Variants in SH3RF3 observed in about 807,000 individuals in gnomAD.
The protein encoded by SH3RF3 is E3 ubiquitin-protein ligase SH3RF3.
A neutral mutation model predicts 66.3 loss-of-function variants in SH3RF3; 29 were observed. That is an observed-to-expected ratio of 0.44 (90% confidence interval 0.33 to 0.60). The LOEUF (loss-of-function observed/expected upper bound fraction) is 0.60, where lower values mean the gene tolerates loss of function less well. Ranked by LOEUF, SH3RF3 falls within the 20% of genes least tolerant of loss-of-function variation. The probability of loss-of-function intolerance (pLI) is 0.04; values close to 1 mark genes in which losing one functional copy is unlikely to be tolerated. For missense variants in SH3RF3, 1,194 were observed against 1,190.9 expected (o/e 1.00, Z -0.04); for synonymous variants, 583 against 532.0 (o/e 1.10, Z -1.32).
At chr2:109,291,660 A>T (rs1294592922) in intron 1 of SH3RF3, among the ~76,000 whole-genome samples, 3 of 152,160 alleles carry the variant, frequency 2.0e-5, no homozygotes, top group Non-Finnish European at 4.4e-5. Flanking sequence ...ATATTGTTCC[A>T]GTGGGGTGTG....
intron 1 of SH3RF3, among the ~76,000 whole-genome samples, chr2:109,246,530 G>C (rs1374417795): frequency 6.6e-6 from 1 of 152,212 alleles, no homozygotes; most frequent in African/African-American, 2.4e-5. Context: ...TCAGTCCATT[G>C]CATACTCCAA....
intron 1 of SH3RF3, among the ~76,000 whole-genome samples, chr2:109,313,931 C>T (rs1288446926): frequency 2.0e-5 from 3 of 151,966 alleles, no homozygotes; most frequent in Admixed American, 1.3e-4. Context: ...ATGCAGGGTG[C>T]CGTGTTTGGA....
intron 8 of SH3RF3, among the ~76,000 whole-genome samples, chr2:109,449,860 T>A (rs549723547): frequency 6.6e-6 from 1 of 152,368 alleles, no homozygotes; most frequent in African/African-American, 2.4e-5. Flanking sequence ...ATAATAAATA[T>A]ACAAATCTAC....
intron 4 of SH3RF3, among the ~76,000 whole-genome samples, chr2:109,416,416 G>A (rs1196342090): frequency 1.3e-5 from 2 of 152,140 alleles, no homozygotes; most frequent in African/African-American, 4.8e-5. Flanking sequence ...CCAACATGGC[G>A]AAACCCCCCC....
At chr2:109,376,856 A>G (rs1239640737) in intron 3 of SH3RF3, among the ~76,000 whole-genome samples, 3 of 152,236 alleles carry the variant, frequency 2.0e-5, no homozygotes, top group South Asian at 2.1e-4. Flanking sequence ...GCGGGGAGGA[A>G]GAACCCCTTC....
intron 1 of SH3RF3, among the ~76,000 whole-genome samples, chr2:109,197,781 C>T (rs1279167877): frequency 6.6e-6 from 1 of 152,214 alleles, no homozygotes; most frequent in Admixed American, 6.5e-5. Context: ...CCTGAGGAAG[C>T]CTGGCATGAA....
chr2:109,499,469 T>G (rs1679335055), intron 9 of SH3RF3, among the ~76,000 whole-genome samples: 1 of 152,198 alleles, frequency 6.6e-6, no homozygotes, highest in Non-Finnish European at 1.5e-5. Context: ...CAGCCCTTAC[T>G]GCACAATCCT....
intron 5 of SH3RF3, among the ~76,000 whole-genome samples, chr2:109,422,794 C>G (rs889843137): frequency 6.6e-6 from 1 of 152,196 alleles, no homozygotes; most frequent in Non-Finnish European, 1.5e-5. Flanking sequence ...CTCACCTCCA[C>G]TTCTTCGTGG....
chr2:109,212,068 C>T (rs555377547), intron 1 of SH3RF3, among the ~76,000 whole-genome samples: 9 of 152,294 alleles, frequency 5.9e-5, no homozygotes, highest in African/African-American at 1.4e-4. Flanking sequence ...AGGGAGATAG[C>T]GAAACTTGGA....
rs574815610 is a variant in SH3RF3, at chr2:109,436,875, TCTG to T, written c.1575-15_1575-13del. ...CTCTGAGCCTCTCATCAGAATTCCTTCTGCTTTCTCTCCACAGGGTGCCTGCAG... is the reference window on the plus strand; with the variant it reads ...CTCTGAGCCTCTCATCAGAATTCCTTCTTTCTCTCCACAGGGTGCCTGCAG... On this transcript the variant is annotated splice_polypyrimidine_tract_variant and intron_variant, in intron 6 of 9. Coordinates refer to ENST00000309415, the MANE Select transcript of SH3RF3 (RefSeq NM_001099289.3). The T allele has an allele frequency of 1.7e-4, 269 of 1,610,140 alleles. 2 individuals carry two copies. The East Asian group carries it at 3.4e-3, about 20-fold the overall frequency.
chr2:109,302,712 AAGGCATC>A (rs1681500238), intron 1 of SH3RF3, among the ~76,000 whole-genome samples: 1 of 152,008 alleles, frequency 6.6e-6, no homozygotes, highest in Non-Finnish European at 1.5e-5. Context: ...CCCGGGAGAC[AAGGCATC>A]ATGGTGCTCC....
chr2:109,343,872 T>G (rs1682618331), intron 1 of SH3RF3, among the ~76,000 whole-genome samples: 1 of 151,854 alleles, frequency 6.6e-6, no homozygotes, highest in Admixed American at 6.6e-5. Flanking sequence ...AGCCTCCCAA[T>G]AGCTGAGACT....
chr2:109,186,093 T>C (rs940270014), intron 1 of SH3RF3, among the ~76,000 whole-genome samples: 6 of 152,240 alleles, frequency 3.9e-5, no homozygotes, highest in Admixed American at 6.5e-5. Flanking sequence ...CCAGGGTGAT[T>C]TTAACTTCAG....
chr2:109,302,037 TC>T lies in SH3RF3; in HGVS notation c.574-45636del, dbSNP rs1681481438. 2.6e-5 allele frequency among the ~76,000 whole-genome samples: 4 copies of T among 152,224 alleles called. No homozygotes were observed. In the South Asian group the frequency reaches 8.3e-4, roughly 32 times the overall value. On this transcript the variant is annotated intron_variant, in intron 1 of 9. Transcript: ENST00000309415. ...CTTCTCAGGAAGCCATAGAGGTTTT[TC>T]TTTCTAGAGCTTTGAGCATTTGAAG... is the stretch of plus-strand genomic sequence containing the variant.
chr2:109,234,471 T>C (rs896390654), intron 1 of SH3RF3, among the ~76,000 whole-genome samples: 2 of 152,262 alleles, frequency 1.3e-5, no homozygotes, highest in African/African-American at 2.4e-5. Context: ...TGGGGAACAC[T>C]GGGCTAGAGA....
At chr2:109,387,582 G>A (rs1386948728) in intron 3 of SH3RF3, among the ~76,000 whole-genome samples, 1 of 152,156 alleles carries the variant, frequency 6.6e-6, no homozygotes, top group Non-Finnish European at 1.5e-5. Flanking sequence ...ATCTCCTCAA[G>A]GTCTTGGCTC....
At chr2:109,431,481 G>C (rs767708297) in intron 5 of SH3RF3, among the ~76,000 whole-genome samples, 5 of 152,242 alleles carry the variant, frequency 3.3e-5, no homozygotes, top group Non-Finnish European at 5.9e-5. Context: ...TATAGGTATA[G>C]TTAAGTATTT....
At chr2:109,393,981 C>T (rs1244375396) in intron 3 of SH3RF3, among the ~76,000 whole-genome samples, 1 of 152,070 alleles carries the variant, frequency 6.6e-6, no homozygotes, top group African/African-American at 2.4e-5. Context: ...CCAGGGCTGG[C>T]CGCACCTCCC....
chr2:109,372,011 C>T (rs1683283382), intron 3 of SH3RF3, among the ~76,000 whole-genome samples: 1 of 152,178 alleles, frequency 6.6e-6, no homozygotes, highest in Non-Finnish European at 1.5e-5. Context: ...TCCAACTCCC[C>T]CAAGTGCTGC....
Sources: gnomAD v4.1 joint callset for allele counts (sites outside exome capture counted in the v4.1 genomes callset) on GRCh38, gnomAD v4.1.1 for gene constraint, MANE v1.5 for transcripts, NCBI Gene and HGNC (gene_info 2026-07-23, HGNC 2026-07-21) for gene names.